CD5: variants seen among roughly 807,000 people sequenced by gnomAD.
CD5 encodes CD5 molecule.
CD5 carries 36 observed loss-of-function variants against 60.3 expected under a neutral mutation model. The observed-to-expected ratio is 0.60, with a 90% confidence interval of 0.46 to 0.79. The LOEUF is 0.79. Ranked by LOEUF, CD5 falls within the 30% of genes least tolerant of loss-of-function variation. The probability of loss-of-function intolerance (pLI) is 0.00; values close to 1 mark genes in which losing one functional copy is unlikely to be tolerated. For synonymous variants in CD5, 230 were observed against 257.6 expected (o/e 0.89, Z 1.03); for missense variants, 540 against 630.6 (o/e 0.86, Z 1.54).
chr11:61,104,583 G>A (rs1291286928), intron 1 of CD5, among the ~76,000 whole-genome samples: 2 of 152,200 alleles, frequency 1.3e-5, no homozygotes, highest in Non-Finnish European at 2.9e-5. Context: ...AGGAAGACTT[G>A]GAGGTAGCCC....
rs111649162 is a variant in CD5 at position 61,114,778 on chromosome 11, A to T, written c.56-278A>T. 5.8e-4 allele frequency among the ~76,000 whole-genome samples: 89 copies of T among 152,344 alleles called. 1 individual carries two copies. Among genetic ancestry groups the T allele is most frequent in the African/African-American group, 2.1e-3 (88 of 41,564 alleles). On this transcript the variant is annotated intron_variant, in intron 1 of 10. Transcript: ENST00000347785. The stretch of plus-strand genomic sequence containing the variant: ...ACACACATCTATATATGTGACATTC[A>T]CGGAATCATGCAGTAAAGAAAAATC...
At chr11:61,096,457 C>G in the CD5 span, among the ~76,000 whole-genome samples, 3 of 152,160 alleles carry the variant, frequency 2.0e-5, no homozygotes, top group African/African-American at 7.2e-5. Context: ...CCGGTCACCC[C>G]CTCATCCAAG....
upstream of CD5, among the ~76,000 whole-genome samples, chr11:61,100,810 C>G (rs1358775704): frequency 6.1e-4 from 83 of 135,510 alleles, 1 homozygote; most frequent in African/African-American, 2.3e-3. Context: ...CACACACACA[C>G]ATCAACATGG....
the CD5 span, among the ~76,000 whole-genome samples, chr11:61,094,144 G>A: frequency 8.0e-4 from 121 of 151,952 alleles, 1 homozygote; most frequent in African/African-American, 2.4e-3. Context: ...GCATCCCCGC[G>A]GGGAACTCTG....
At chr11:61,107,379 G>A (rs1009593963) in intron 1 of CD5, among the ~76,000 whole-genome samples, 1 of 152,084 alleles carries the variant, frequency 6.6e-6, no homozygotes, top group African/African-American at 2.4e-5. Flanking sequence ...AGAGAGGTGA[G>A]CATAACTCTC....
chr11:61,113,824 A>C (rs1029335663), intron 1 of CD5, among the ~76,000 whole-genome samples: 1 of 152,102 alleles, frequency 6.6e-6, no homozygotes, highest in Non-Finnish European at 1.5e-5. Context: ...ATGCATCACC[A>C]CGCCGAGCTA....
chr11:61,095,566 C>T, the CD5 span, among the ~76,000 whole-genome samples: 2 of 152,076 alleles, frequency 1.3e-5, no homozygotes, highest in African/African-American at 2.4e-5. Context: ...GTGCTCCAGG[C>T]GGCAACTAAG....
upstream of CD5, among the ~76,000 whole-genome samples, chr11:61,101,200 ATC>A (rs1860677743): frequency 9.2e-6 from 1 of 108,578 alleles, no homozygotes. Context: ...ACACACACAC[ATC>A]AACATGGAGA....
upstream of CD5, among the ~76,000 whole-genome samples, chr11:61,101,133 A>T (rs1565181278): frequency 9.3e-6 from 1 of 107,406 alleles, no homozygotes. Context: ...ACACACATCA[A>T]CATGGAGATT....
chr11:61,115,168 G>T (rs1204146357), intron 2 of CD5, 74 bp downstream of exon 2: 37 of 1,381,164 alleles, frequency 2.7e-5, no homozygotes, highest in Non-Finnish European at 3.3e-5. Flanking sequence ...GGCCATCGGG[G>T]ACCTCTCGAT....
intron 1 of CD5, among the ~76,000 whole-genome samples, chr11:61,110,250 C>G (rs1860836019): frequency 6.6e-6 from 1 of 152,130 alleles, no homozygotes; most frequent in Non-Finnish European, 1.5e-5. Flanking sequence ...TATTCATGGA[C>G]AGGCTGAAAG....
upstream of CD5, among the ~76,000 whole-genome samples, chr11:61,097,977 G>A (rs1170031025): frequency 6.6e-6 from 1 of 152,212 alleles, no homozygotes; most frequent in African/African-American, 2.4e-5. Context: ...GCTAGCAGCT[G>A]AAGGAGGGGT....
rs139279627 is a variant in CD5, at chr11:61,106,687, C to CTG, written c.55+4086_55+4087dup. 5.3e-5 allele frequency among the ~76,000 whole-genome samples: 8 copies of CTG among 151,666 alleles called. No homozygotes were observed. In the South Asian group the frequency reaches 1.0e-3, roughly 20 times the overall value. The stretch of plus-strand genomic sequence containing the variant: ...GTGTGTGTGTGAAATTGAACATCTA[C>CTG]TGTGTGTGTGTGTGTCCATGTGCTG... On this transcript the variant is annotated intron_variant, in intron 1 of 10. Transcript: ENST00000347785.
In CD5 at chr11:61,121,858, C is replaced by T. The variant is rs1467262199; in HGVS notation, c.1053C>T (p.His351=). Residue 351 remains histidine, a synonymous_variant, in exon 6 of 11, where the codon CAC becomes CAT. Coordinates refer to ENST00000347785, the MANE Select transcript of CD5 (RefSeq NM_014207.4). ...FCPHQKLSQC[H]ELWERNSYCK... is the part of the protein sequence containing the mutation. ...CCCATCAGAAGCTGTCCCAGTGCCA[C>T]GAACTTTGGGAGAGAAATTCCTACT... 9 of 1,567,994 alleles carry T rather than the reference C, an allele frequency of 5.7e-6. No homozygotes were observed. In the East Asian group the frequency reaches 9.3e-5, roughly 16 times the overall value.
chr11:61,098,111 T>G (rs1316431274), upstream of CD5, among the ~76,000 whole-genome samples: 1 of 152,200 alleles, frequency 6.6e-6, no homozygotes, highest in Admixed American at 6.5e-5. Context: ...GGCATGAATT[T>G]GATCCTGGGG....
intron 5 of CD5, among the ~76,000 whole-genome samples, chr11:61,121,355 C>A (rs939767330): frequency 1.3e-5 from 2 of 152,258 alleles, no homozygotes; most frequent in East Asian, 1.9e-4. Context: ...CTGCAGAAAG[C>A]GCCTATGCTG....
intron 1 of CD5, among the ~76,000 whole-genome samples, chr11:61,113,935 GC>G (rs1860897066): frequency 1.3e-5 from 2 of 152,310 alleles, no homozygotes; most frequent in South Asian, 2.1e-4. Flanking sequence ...CTCCCAAAGT[GC>G]TTGGATTATA....
chr11:61,114,625 G>C (rs1860910538), intron 1 of CD5, among the ~76,000 whole-genome samples: 1 of 151,984 alleles, frequency 6.6e-6, no homozygotes, highest in Admixed American at 6.6e-5. Context: ...TGGGTGAGGA[G>C]AGTGATATCC....
intron 2 of CD5, among the ~76,000 whole-genome samples, chr11:61,117,316 T>C (rs778907723): frequency 1.3e-5 from 2 of 152,220 alleles, no homozygotes; most frequent in Non-Finnish European, 2.9e-5. Context: ...AGTGTTTGCC[T>C]GAGGCTAGAT....
Sources: gnomAD v4.1 joint callset for allele counts (sites outside exome capture counted in the v4.1 genomes callset) on GRCh38, gnomAD v4.1.1 for gene constraint, MANE v1.5 for transcripts, NCBI Gene and HGNC (gene_info 2026-07-23, HGNC 2026-07-21) for gene names.